Variants in WHRN observed in about 807,000 individuals in gnomAD.
WHRN encodes CASK-interacting protein CIP98.
WHRN carries 41 observed loss-of-function variants against 68.3 expected under a neutral mutation model. That is an observed-to-expected ratio of 0.60 (90% CI 0.47 to 0.78). The LOEUF (loss-of-function observed/expected upper bound fraction) is 0.78. Ranked by LOEUF, WHRN falls within the 30% of genes least tolerant of loss-of-function variation. The pLI is 0.00. For missense variants in WHRN, 1,243 were observed against 1,244.7 expected (o/e 1.00, Z 0.02); for synonymous variants, 560 against 561.3 (o/e 1.00, Z 0.03).
chr9:114,459,232 C>T lies in WHRN; in HGVS notation c.963+7035G>A, dbSNP rs182369899. Reference sequence around the variant, plus strand: ...CAGCACTTTGGGAGGCCAAGGCGGGCGGATCACTTGAGGTCAGGAGTTTGA... The same window carrying T: ...CAGCACTTTGGGAGGCCAAGGCGGGTGGATCACTTGAGGTCAGGAGTTTGA... On this transcript the variant is annotated intron_variant, in intron 3 of 11. Transcript: ENST00000362057. Among the ~76,000 whole-genome samples the T allele has an allele frequency of 1.8e-4, 28 of 151,836 alleles. No individual in the cohort carries two copies. In the East Asian group the frequency reaches 4.7e-3, roughly 25 times the overall value.
chr9:114,402,427 G>T lies in WHRN; in HGVS notation c.*327C>A. 2.5e-6 allele frequency: 1 copy of T among 397,278 alleles called. No individual in the cohort carries two copies. The highest frequency in any genetic ancestry group is 2.0e-5 in the African/African-American group (1 of 49,116). 24.6% of individuals were successfully genotyped at this position (397,278 alleles called of 1,614,324 possible). A position where few individuals can be genotyped will look rare whatever the true frequency, so the allele number is the denominator to read the frequency against. ...CTGGGGATGGGCTGGGTCCTAGCTGGAGGGGGGACAGCAGTGCCCCCAACC... is the reference window on the plus strand; with the variant it reads ...CTGGGGATGGGCTGGGTCCTAGCTGTAGGGGGGACAGCAGTGCCCCCAACC... On this transcript the variant is annotated 3_prime_UTR_variant, in exon 12 of 12. Transcript: ENST00000362057.
chr9:114,439,735 T>C (rs558888974), intron 3 of WHRN, among the ~76,000 whole-genome samples: 4 of 152,332 alleles, frequency 2.6e-5, no homozygotes, highest in South Asian at 2.1e-4. Context: ...GGTACACTTA[T>C]ATGCAGATTC....
chr9:114,446,677 A>G (rs1838845753), intron 3 of WHRN, among the ~76,000 whole-genome samples: 1 of 152,174 alleles, frequency 6.6e-6, no homozygotes, highest in Non-Finnish European at 1.5e-5. Context: ...AAACCCTTTG[A>G]GGTTTTTGGG....
At chr9:114,446,291 C>T (rs917811499) in intron 3 of WHRN, among the ~76,000 whole-genome samples, 1 of 151,964 alleles carries the variant, frequency 6.6e-6, no homozygotes, top group Non-Finnish European at 1.5e-5. Flanking sequence ...CCAAAATAGG[C>T]GTATCTAGAG....
At chr9:114,466,724 C>A (rs967855727) in intron 2 of WHRN, among the ~76,000 whole-genome samples, 1 of 152,140 alleles carries the variant, frequency 6.6e-6, no homozygotes, top group Admixed American at 6.5e-5. Context: ...GCTCTTCACG[C>A]CACAGTGGCC....
intron 3 of WHRN, among the ~76,000 whole-genome samples, chr9:114,455,515 A>G (rs113184735): frequency 0.015 from 2,335 of 152,250 alleles, 52 homozygotes; most frequent in African/African-American, 0.054. Context: ...GTTCAAGACC[A>G]GCCTGGGCAA....
chr9:114,407,737 C>A lies in WHRN; in HGVS notation c.1698+210G>T, dbSNP rs117287990. Reference sequence around the variant, plus strand: ...AGCCTGAAGGCCCCGCCTGAAGTCACCAGAGGCAAGTGATCCTGGTGCCTG... The same window carrying A: ...AGCCTGAAGGCCCCGCCTGAAGTCAACAGAGGCAAGTGATCCTGGTGCCTG... On this transcript the variant is annotated intron_variant, in intron 8 of 11. Transcript: ENST00000362057. Among the ~76,000 whole-genome samples, 140 of 152,294 alleles carry A rather than the reference C, an allele frequency of 9.2e-4. 3 individuals are homozygous for A. The East Asian group carries it at 0.025, about 27-fold the overall frequency.
intron 1 of WHRN, among the ~76,000 whole-genome samples, chr9:114,495,601 C>T (rs1298417166): frequency 6.6e-6 from 1 of 152,158 alleles, no homozygotes; most frequent in Non-Finnish European, 1.5e-5. Flanking sequence ...GCAGAGACAA[C>T]AAGGCTAGAA....
At chr9:114,450,379 C>A (rs1328863340) in intron 3 of WHRN, among the ~76,000 whole-genome samples, 2 of 152,104 alleles carry the variant, frequency 1.3e-5, no homozygotes, top group African/African-American at 2.4e-5. Context: ...CCCAGAGGGA[C>A]AATACAAGAC....
chr9:114,457,830 C>CGCTTGA (rs1383943278), intron 3 of WHRN, among the ~76,000 whole-genome samples: 3 of 151,052 alleles, frequency 2.0e-5, no homozygotes, highest in Admixed American at 2.0e-4. Context: ...GCAGGAGGAT[C>CGCTTGA]GCTTGAACCC....
chr9:114,441,301 T>C (rs1162025514), intron 3 of WHRN, among the ~76,000 whole-genome samples: 1 of 151,842 alleles, frequency 6.6e-6, no homozygotes, highest in Admixed American at 6.6e-5. Context: ...ATTTCAACTG[T>C]GTGGGAAGGT....
At chr9:114,490,819 A>G (rs1842914250) in intron 1 of WHRN, among the ~76,000 whole-genome samples, 2 of 152,248 alleles carry the variant, frequency 1.3e-5, no homozygotes, top group Admixed American at 1.3e-4. Context: ...AATTTGCAAC[A>G]AAGTGACAGA....
At chr9:114,438,613 C>T (rs1331163839) in intron 3 of WHRN, among the ~76,000 whole-genome samples, 1 of 151,986 alleles carries the variant, frequency 6.6e-6, no homozygotes, top group African/African-American at 2.4e-5. Flanking sequence ...CCACCACGCC[C>T]AGCTAATTTT....
chr9:114,433,853 A>G (rs1241907274), intron 3 of WHRN, among the ~76,000 whole-genome samples: 1 of 152,190 alleles, frequency 6.6e-6, no homozygotes, highest in Non-Finnish European at 1.5e-5. Context: ...GGCAAGGCTA[A>G]TGCACACTGA....
At chr9:114,425,183 G>C in intron 4 of WHRN, 159 bp from the exon 5 acceptor site, 1 of 792,268 alleles carries the variant, frequency 1.3e-6, no homozygotes, top group Non-Finnish European at 2.3e-6. Flanking sequence ...CTACTCAGGG[G>C]TAAAGGAAAC....
rs781422940 is a variant in WHRN, at chr9:114,408,051, C to T, written c.1627-33G>A. 4 of 1,555,250 alleles carry T rather than the reference C, an allele frequency of 2.6e-6. No individual in the cohort carries two copies. The South Asian group carries it at 3.5e-5, about 14-fold the overall frequency. Reference sequence around the variant, plus strand: ...TGGACGAGAAAGCAAAGTGAGCAAACAGAAGCTGAGAAGGGAACACTGGTT... The same window carrying T: ...TGGACGAGAAAGCAAAGTGAGCAAATAGAAGCTGAGAAGGGAACACTGGTT... On this transcript the variant is annotated intron_variant, in intron 7 of 11. Coordinates refer to ENST00000362057, the MANE Select transcript of WHRN (RefSeq NM_015404.4).
At chr9:114,487,052 CA>C (rs79611133) in intron 1 of WHRN, among the ~76,000 whole-genome samples, 43,560 of 117,322 alleles carry the variant, frequency 0.37, 9,210 homozygotes, top group African/African-American at 0.44. Flanking sequence ...TAAGAGATAC[CA>C]AAAAAAAAAA....
chr9:114,419,281 T>A (rs1388021285), intron 7 of WHRN, among the ~76,000 whole-genome samples: 2 of 152,198 alleles, frequency 1.3e-5, no homozygotes, highest in African/African-American at 4.8e-5. Context: ...TCCTAGCTCC[T>A]GGGATGGTCA....
At position 114,407,991 on chromosome 9, in the gene WHRN, C is replaced by T. The variant is rs761598265; in HGVS notation, c.1654G>A (p.Glu552Lys). Residue 552 changes from glutamate to lysine, a missense_variant, in exon 8 of 12, where the codon GAG becomes AAG. Transcript: ENST00000362057. ...RNTLDLEETG[E>K]AVQGNINALP... ...GCGTTGATATTGCCCTGGACAGCCT[C>T]GCCAGTTTCCTCCAGGTCCAGAGTG... is the stretch of plus-strand genomic sequence containing the variant. 8.1e-6 allele frequency: 13 copies of T among 1,604,116 alleles called. No individual in the cohort carries two copies. The East Asian group carries it at 1.6e-4, about 19-fold the overall frequency.
Sources: allele counts gnomAD v4.1 joint callset (sites outside exome capture counted in the v4.1 genomes callset), GRCh38; gene constraint gnomAD v4.1.1; transcripts MANE v1.5; gene names NCBI Gene and HGNC (gene_info 2026-07-23, HGNC 2026-07-21).